The following CAMK1D variants were observed in gnomAD, a reference collection of about 807,000 sequenced individuals.
CAMK1D encodes calcium/calmodulin dependent protein kinase ID, also known as calcium/calmodulin-dependent protein kinase type 1D.
A neutral mutation model predicts 47.7 loss-of-function variants in CAMK1D; 9 were observed. The observed-to-expected ratio is 0.19, with a 90% CI of 0.11 to 0.33. The LOEUF is 0.33. Among genes scored for constraint, CAMK1D ranks in the 10% least tolerant of loss-of-function variants. CAMK1D has a pLI of 1.00. For synonymous variants in CAMK1D, 184 were observed against 184.9 expected, an observed-to-expected ratio of 0.99 and a Z score of 0.04; for missense variants, 291 against 488.7, an observed-to-expected ratio of 0.60 and a Z score of 3.81.
intron 3 of CAMK1D, among the ~76,000 whole-genome samples, chr10:12,691,388 TA>T (rs1832898781): frequency 1.4e-4 from 1 of 7,144 alleles, no homozygotes; most frequent in Non-Finnish European, 2.7e-4. Flanking sequence ...AATATATATA[TA>T]TATATATATA....
chr10:12,807,915 A>G (rs1393040628), intron 6 of CAMK1D, among the ~76,000 whole-genome samples: 1 of 152,040 alleles, frequency 6.6e-6, no homozygotes, highest in Non-Finnish European at 1.5e-5. Context: ...CTCTGTCTAC[A>G]CCATTCAGGG....
chr10:12,810,353 C>T (rs1832552920), intron 6 of CAMK1D, among the ~76,000 whole-genome samples: 1 of 148,590 alleles, frequency 6.7e-6, no homozygotes, highest in Non-Finnish European at 1.5e-5. Context: ...CAGCTCACTG[C>T]AACCTCCGCC....
At chr10:12,553,427 C>T (rs1168293686) in intron 2 of CAMK1D, 71 bp downstream of exon 2, 11 of 1,332,732 alleles carry the variant, frequency 8.3e-6, no homozygotes, top group South Asian at 3.6e-5. Context: ...AGTCCTGCCC[C>T]GGAGGCAGAC....
At chr10:12,491,720 A>G (rs1834389739) in intron 1 of CAMK1D, among the ~76,000 whole-genome samples, 3 of 151,988 alleles carry the variant, frequency 2.0e-5, no homozygotes, top group Middle Eastern at 3.4e-3. Flanking sequence ...GCCGATTGCT[A>G]ATTGTTGATA....
rs527275741 is a variant in CAMK1D at position 12,570,656 on chromosome 10, G to T, written c.224+17300G>T. On this transcript the variant is annotated intron_variant, in intron 2 of 10. Coordinates refer to ENST00000619168, the MANE Select transcript of CAMK1D (RefSeq NM_153498.4). ...GATCGCACCATTGTGCTCCAGCTTG[G>T]GCAACAAAAGTGAAACTCCATCTCA... Among the ~76,000 whole-genome samples, 5 of 145,266 alleles carry T rather than the reference G, an allele frequency of 3.4e-5. No individual in the cohort carries two copies. The South Asian group carries it at 1.1e-3, about 32-fold the overall frequency.
At chr10:12,480,114 TC>T (rs1342412163) in intron 1 of CAMK1D, among the ~76,000 whole-genome samples, 1 of 152,162 alleles carries the variant, frequency 6.6e-6, no homozygotes, top group Non-Finnish European at 1.5e-5. Flanking sequence ...GCTTGGCAGA[TC>T]CTTCCTGTTT....
intron 1 of CAMK1D, among the ~76,000 whole-genome samples, chr10:12,433,896 C>G (rs1341807667): frequency 1.3e-5 from 2 of 152,188 alleles, no homozygotes; most frequent in Non-Finnish European, 2.9e-5. Context: ...TTTCAGGTCC[C>G]CCAGTGCATC....
At chr10:12,521,396 A>G (rs1243858639) in intron 1 of CAMK1D, among the ~76,000 whole-genome samples, 1 of 152,178 alleles carries the variant, frequency 6.6e-6, no homozygotes, top group African/African-American at 2.4e-5. Flanking sequence ...CTTTCCACAT[A>G]TTTGAGAATA....
chr10:12,499,675 T>A (rs981699000), intron 1 of CAMK1D, among the ~76,000 whole-genome samples: 2 of 152,216 alleles, frequency 1.3e-5, no homozygotes, highest in African/African-American at 4.8e-5. Flanking sequence ...ATTTTCACTT[T>A]AGAGCAGACC....
intron 2 of CAMK1D, among the ~76,000 whole-genome samples, chr10:12,574,708 A>G (rs1033465588): frequency 1.3e-5 from 2 of 151,936 alleles, no homozygotes; most frequent in African/African-American, 4.8e-5. Flanking sequence ...AGACTGGGTA[A>G]CTTATAAGAA....
intron 2 of CAMK1D, among the ~76,000 whole-genome samples, chr10:12,620,235 G>A (rs1184080131): frequency 7.4e-6 from 1 of 135,778 alleles, no homozygotes; most frequent in Non-Finnish European, 1.6e-5. Flanking sequence ...TGCTATAAAC[G>A]TCCATGTACA....
intron 3 of CAMK1D, among the ~76,000 whole-genome samples, chr10:12,754,577 G>C (rs192281719): frequency 1.6e-3 from 250 of 152,276 alleles, no homozygotes; most frequent in African/African-American, 5.2e-3. Flanking sequence ...GTATTTGTTT[G>C]GGCTAATGTA....
intron 8 of CAMK1D, among the ~76,000 whole-genome samples, chr10:12,819,374 C>T (rs1028275774): frequency 1.3e-5 from 2 of 152,180 alleles, no homozygotes; most frequent in South Asian, 2.1e-4. Context: ...GGAGAGGACG[C>T]AGGAGACAGG....
At position 12,364,474 on chromosome 10, in the gene CAMK1D, C is replaced by A. The variant is rs1292212500; in HGVS notation, c.92+14564C>A. The stretch of plus-strand genomic sequence containing the variant: ...GCCAGGCTGGTCTTGAACTTCTGAC[C>A]TCAGGTGATCCGCCCACCTAGGCCT... On this transcript the variant is annotated intron_variant, in intron 1 of 10. Coordinates refer to ENST00000619168, the MANE Select transcript of CAMK1D (RefSeq NM_153498.4). 6.6e-5 allele frequency among the ~76,000 whole-genome samples: 10 copies of A among 152,018 alleles called. No individual in the cohort carries two copies. The East Asian group carries it at 1.9e-3, about 29-fold the overall frequency.
At chr10:12,514,730 A>G (rs1835137904) in intron 1 of CAMK1D, among the ~76,000 whole-genome samples, 1 of 152,286 alleles carries the variant, frequency 6.6e-6, no homozygotes, top group Non-Finnish European at 1.5e-5. Context: ...GCTTGAAAGA[A>G]GAAATGATAT....
chr10:12,817,981 G>T (rs992006369), intron 8 of CAMK1D, among the ~76,000 whole-genome samples: 3 of 152,220 alleles, frequency 2.0e-5, no homozygotes, highest in African/African-American at 7.2e-5. Context: ...GAGCCACCGC[G>T]CTGGCCTGTA....
intron 1 of CAMK1D, among the ~76,000 whole-genome samples, chr10:12,401,161 T>A (rs866548671): frequency 1.7e-5 from 1 of 57,626 alleles, no homozygotes; most frequent in Non-Finnish European, 2.9e-5. Flanking sequence ...TATATATATA[T>A]AATATATGTA....
intron 2 of CAMK1D, among the ~76,000 whole-genome samples, chr10:12,635,302 A>T (rs1171687298): frequency 6.6e-6 from 1 of 152,198 alleles, no homozygotes; most frequent in Non-Finnish European, 1.5e-5. Context: ...GGGACTTCCC[A>T]TCCGCTTTTC....
intron 2 of CAMK1D, among the ~76,000 whole-genome samples, chr10:12,573,143 C>T (rs775483726): frequency 5.9e-5 from 9 of 152,188 alleles, no homozygotes; most frequent in East Asian, 3.8e-4. Flanking sequence ...GGATATCTGA[C>T]GACAGAATTA....
Sources: allele counts gnomAD v4.1 joint callset (sites outside exome capture counted in the v4.1 genomes callset), GRCh38; gene constraint gnomAD v4.1.1; transcripts MANE v1.5; gene names NCBI Gene and HGNC (gene_info 2026-07-23, HGNC 2026-07-21).